ARRB1: variants seen among roughly 807,000 people sequenced by gnomAD.
The protein encoded by ARRB1 is arrestin beta 1, also known as beta-arrestin-1.
In ARRB1, 21 loss-of-function variants were observed where a neutral mutation model predicts 56.8. The ratio of observed to expected loss-of-function variants is 0.37; its 90% CI spans 0.26 to 0.53. ARRB1 has a LOEUF of 0.53. Ranked by LOEUF, ARRB1 falls within the 20% of genes least tolerant of loss-of-function variation. The pLI is 0.88. For synonymous variants in ARRB1, 210 were observed against 218.6 expected, an observed-to-expected ratio of 0.96 and a Z score of 0.35; for missense variants, 424 against 553.7, an observed-to-expected ratio of 0.77 and a Z score of 2.35.
chr11:75,343,230 C>G (rs1947716845), intron 1 of ARRB1, among the ~76,000 whole-genome samples: 1 of 152,072 alleles, frequency 6.6e-6, no homozygotes, highest in Non-Finnish European at 1.5e-5. Flanking sequence ...AGAGAGATTA[C>G]AAGAAGGTCA....
intron 1 of ARRB1, among the ~76,000 whole-genome samples, chr11:75,332,765 C>T (rs530508732): frequency 5.3e-5 from 8 of 152,028 alleles, no homozygotes; most frequent in Non-Finnish European, 1.2e-4. Context: ...TGTGGTCAGG[C>T]GCACCTGTAG....
chr11:75,301,982 G>A (rs764619419), intron 1 of ARRB1, among the ~76,000 whole-genome samples: 6 of 152,162 alleles, frequency 3.9e-5, no homozygotes, highest in Admixed American at 2.0e-4. Flanking sequence ...TTTCCCAGAG[G>A]GAGAAATCAA....
chr11:75,296,185 C>CAAAAAA (rs11428462), intron 1 of ARRB1, among the ~76,000 whole-genome samples: 12 of 84,810 alleles, frequency 1.4e-4, no homozygotes, highest in African/African-American at 4.4e-4. Context: ...GACTTTGTCT[C>CAAAAAA]AAAAAAAAAA....
chr11:75,278,473 C>T (rs1380541730), intron 8 of ARRB1, 136 bp downstream of exon 8: 2 of 1,292,198 alleles, frequency 1.5e-6, no homozygotes, highest in East Asian at 2.5e-5. Context: ...TCTCAGATTC[C>T]CTGACCCCTG....
intron 1 of ARRB1, among the ~76,000 whole-genome samples, chr11:75,292,990 G>A (rs1477339134): frequency 1.3e-5 from 2 of 151,886 alleles, no homozygotes; most frequent in South Asian, 2.1e-4. Context: ...TATCCAACCC[G>A]GCTGTTTTCC....
At chr11:75,322,576 T>A (rs1207056255) in intron 1 of ARRB1, among the ~76,000 whole-genome samples, 2 of 152,090 alleles carry the variant, frequency 1.3e-5, no homozygotes, top group African/African-American at 2.4e-5. Flanking sequence ...GACAGGGGAA[T>A]CACTGAAGGT....
chr11:75,290,960 C>A (rs983036464), intron 1 of ARRB1, among the ~76,000 whole-genome samples: 1 of 152,174 alleles, frequency 6.6e-6, no homozygotes, highest in Non-Finnish European at 1.5e-5. Flanking sequence ...TGTGTCTACT[C>A]TGCTAATATG....
chr11:75,269,704 C>T (rs900273151), intron 13 of ARRB1, among the ~76,000 whole-genome samples: 7 of 152,226 alleles, frequency 4.6e-5, no homozygotes, highest in African/African-American at 1.4e-4. Context: ...ATTTAATCCT[C>T]GCAACAACCA....
chr11:75,297,350 C>G (rs900178247), intron 1 of ARRB1, among the ~76,000 whole-genome samples: 2 of 151,514 alleles, frequency 1.3e-5, no homozygotes, highest in African/African-American at 4.8e-5. Context: ...GTAATCAAGA[C>G]TATATTGTGC....
intron 1 of ARRB1, among the ~76,000 whole-genome samples, chr11:75,303,207 G>A (rs1327724135): frequency 6.6e-6 from 1 of 151,994 alleles, no homozygotes; most frequent in African/African-American, 2.4e-5. Context: ...TCACCATGTT[G>A]GCCAGGCTGG....
chr11:75,274,229 A>C lies in ARRB1; in HGVS notation c.777-18T>G. On this transcript the variant is annotated intron_variant, in intron 10 of 15. Transcript: ENST00000420843. Reference sequence around the variant, plus strand: ...CAGTGTCACTGGGAAGAAAGGAAGCAGCTGTGGAGATGGCCCTCCCCAGAG... The same window carrying C: ...CAGTGTCACTGGGAAGAAAGGAAGCCGCTGTGGAGATGGCCCTCCCCAGAG... 6.2e-7 allele frequency: 1 copy of C among 1,613,288 alleles called. No individual in the cohort carries two copies. The highest frequency in any genetic ancestry group is 8.5e-7 in the Non-Finnish European group (1 of 1,179,330).
At chr11:75,343,727 A>G (rs1947723971) in intron 1 of ARRB1, among the ~76,000 whole-genome samples, 1 of 152,138 alleles carries the variant, frequency 6.6e-6, no homozygotes, top group South Asian at 2.1e-4. Flanking sequence ...CATGCTAATC[A>G]GATCACCGAA....
chr11:75,284,165 T>G, intron 4 of ARRB1, 70 bp downstream of exon 4: 1 of 1,473,722 alleles, frequency 6.8e-7, no homozygotes, highest in Non-Finnish European at 9.2e-7. Flanking sequence ...GGCAGGGAGT[T>G]CCTATGCTAG....
At chr11:75,336,669 C>A (rs1947608024) in intron 1 of ARRB1, among the ~76,000 whole-genome samples, 1 of 152,140 alleles carries the variant, frequency 6.6e-6, no homozygotes, top group Non-Finnish European at 1.5e-5. Flanking sequence ...TACTGCATGC[C>A]TGGTCCCTGG....
chr11:75,349,692 T>A (rs1947818812), intron 1 of ARRB1, among the ~76,000 whole-genome samples: 1 of 152,236 alleles, frequency 6.6e-6, no homozygotes, highest in South Asian at 2.1e-4. Context: ...AGGGTCTTAA[T>A]TTCAGGGCAG....
At chr11:75,327,717 T>G (rs1421897480) in intron 1 of ARRB1, among the ~76,000 whole-genome samples, 2 of 151,740 alleles carry the variant, frequency 1.3e-5, no homozygotes, top group African/African-American at 4.8e-5. Context: ...GCCTCCTAAG[T>G]AGCTGGGATT....
chr11:75,276,689 C>T (rs878986482), intron 10 of ARRB1, 150 bp downstream of exon 10: 16 of 645,580 alleles, frequency 2.5e-5, no homozygotes, highest in South Asian at 2.4e-4. Context: ...AAAGGCTCTT[C>T]GGGATCATCT....
chr11:75,279,924 C>G (rs1218062899), intron 7 of ARRB1, among the ~76,000 whole-genome samples: 2 of 152,188 alleles, frequency 1.3e-5, no homozygotes, highest in African/African-American at 4.8e-5. Flanking sequence ...TGCCTTCGGC[C>G]TTCCAGAGCT....
chr11:75,346,484 C>T (rs941317441), intron 1 of ARRB1, among the ~76,000 whole-genome samples: 10 of 152,076 alleles, frequency 6.6e-5, no homozygotes, highest in Admixed American at 5.2e-4. Flanking sequence ...CAGGGCCTCA[C>T]GCCCTTCCTC....
Sources: allele counts gnomAD v4.1 joint callset (sites outside exome capture counted in the v4.1 genomes callset), GRCh38; gene constraint gnomAD v4.1.1; transcripts MANE v1.5; gene names NCBI Gene and HGNC (gene_info 2026-07-23, HGNC 2026-07-21).